LAMA2: variants seen among roughly 807,000 people sequenced by gnomAD.
The protein encoded by LAMA2 is laminin subunit alpha-2.
A neutral mutation model predicts 364.8 loss-of-function variants in LAMA2; 269 were observed. That is an observed-to-expected ratio of 0.74 (90% CI 0.67 to 0.82). The LOEUF is 0.82. Ranked by LOEUF, LAMA2 falls within the 40% of genes least tolerant of loss-of-function variation. The pLI is 0.00. For missense variants in LAMA2, 3,807 were observed against 3,873.2 expected, an observed-to-expected ratio of 0.98 and a Z score of 0.45; for synonymous variants, 1,379 against 1,370.6, an observed-to-expected ratio of 1.01 and a Z score of -0.14.
At chr6:128,994,455 G>A (rs2114666873) in intron 1 of LAMA2, among the ~76,000 whole-genome samples, 1 of 152,264 alleles carries the variant, frequency 6.6e-6, no homozygotes, top group East Asian at 1.9e-4. Context: ...AGTTCTTATG[G>A]TACTTTGATT....
At position 128,961,057 on chromosome 6, in the gene LAMA2, A is replaced by G. The variant is rs527569245; in HGVS notation, c.112+77700A>G. Among the ~76,000 whole-genome samples the G allele has an allele frequency of 3.3e-5, 5 of 150,010 alleles. No homozygotes were observed. The South Asian group carries it at 1.1e-3, about 32-fold the overall frequency. On this transcript the variant is annotated intron_variant, in intron 1 of 64. Transcript: ENST00000421865. ...GAACAAGGTATCATTTCATTGGAAGACTCCCAAATATCCTCTCGGTAGGCT... is the reference window on the plus strand; with the variant it reads ...GAACAAGGTATCATTTCATTGGAAGGCTCCCAAATATCCTCTCGGTAGGCT...
intron 12 of LAMA2, among the ~76,000 whole-genome samples, chr6:129,214,021 T>G (rs1783268380): frequency 6.6e-6 from 1 of 152,194 alleles, no homozygotes; most frequent in African/African-American, 2.4e-5. Flanking sequence ...TGATCCATTT[T>G]GTGTTAATTT....
intron 12 of LAMA2, among the ~76,000 whole-genome samples, chr6:129,213,685 A>G (rs996149257): frequency 2.0e-5 from 3 of 152,142 alleles, no homozygotes. Flanking sequence ...TTGCTGAGGT[A>G]TCTGTTTAGA....
intron 1 of LAMA2, among the ~76,000 whole-genome samples, chr6:128,993,604 T>C (rs9398891): frequency 0.57 from 86,596 of 151,974 alleles, 28,909 homozygotes; most frequent in East Asian, 0.96. Flanking sequence ...TTTTTATGGT[T>C]GACAGTCGTG....
intron 37 of LAMA2, among the ~76,000 whole-genome samples, chr6:129,395,725 C>T (rs1779578297): frequency 6.6e-6 from 1 of 152,120 alleles, no homozygotes; most frequent in Non-Finnish European, 1.5e-5. Context: ...CTAAGTCACC[C>T]CTGAGTTTAG....
chr6:129,073,034 A>T (rs1773420808), intron 3 of LAMA2, among the ~76,000 whole-genome samples: 1 of 152,060 alleles, frequency 6.6e-6, no homozygotes, highest in Admixed American at 6.5e-5. Flanking sequence ...CCTTTTTTAA[A>T]TGAAAGCCTG....
At chr6:129,200,866 T>G (rs898237744) in intron 12 of LAMA2, among the ~76,000 whole-genome samples, 2 of 152,088 alleles carry the variant, frequency 1.3e-5, no homozygotes, top group Non-Finnish European at 2.9e-5. Flanking sequence ...CCACTGATTA[T>G]CTAGAGAAAA....
chr6:128,947,890 C>A, intron 1 of LAMA2, among the ~76,000 whole-genome samples: 1 of 151,652 alleles, frequency 6.6e-6, no homozygotes, highest in Non-Finnish European at 1.5e-5. Flanking sequence ...GGAAGGGAGA[C>A]GATAAATAGC....
intron 4 of LAMA2, among the ~76,000 whole-genome samples, chr6:129,141,871 TGTGTGTGTGA>T (rs1337094049): frequency 1.3e-5 from 2 of 151,894 alleles, no homozygotes; most frequent in Non-Finnish European, 2.9e-5. Flanking sequence ...TGTGTGTGTA[TGTGTGTGTGA>T]GTGTGAGTGT....
At chr6:128,886,138 A>T (rs1776137515) in intron 1 of LAMA2, among the ~76,000 whole-genome samples, 1 of 152,172 alleles carries the variant, frequency 6.6e-6, no homozygotes, top group African/African-American at 2.4e-5. Context: ...CTTGATGGAA[A>T]ATGTAAAATC....
In LAMA2 at chr6:129,452,646, C is replaced by T. The variant is rs534289082; in HGVS notation, c.6430-342C>T. Among the ~76,000 whole-genome samples, 3 of 152,246 alleles carry T rather than the reference C, an allele frequency of 2.0e-5. 1 individual carries two copies. The South Asian group carries it at 6.2e-4, about 32-fold the overall frequency. On this transcript the variant is annotated intron_variant, in intron 45 of 64. Coordinates refer to ENST00000421865, the MANE Select transcript of LAMA2 (RefSeq NM_000426.4). ...TTAAACAACCTTAATGAAGGTCATT[C>T]TCATTAGCTCCATGTAAAATCACCT...
intron 1 of LAMA2, among the ~76,000 whole-genome samples, chr6:128,958,004 T>TA (rs1781260967): frequency 6.6e-6 from 1 of 152,088 alleles, no homozygotes; most frequent in Non-Finnish European, 1.5e-5. Flanking sequence ...AGTAGGTTCT[T>TA]AATAGCCCTT....
intron 10 of LAMA2, among the ~76,000 whole-genome samples, chr6:129,180,166 A>G (rs1025161590): frequency 1.9e-4 from 29 of 152,288 alleles, no homozygotes; most frequent in Non-Finnish European, 4.1e-4. Flanking sequence ...AACTGATTGT[A>G]AAAACAGCAT....
intron 12 of LAMA2, among the ~76,000 whole-genome samples, chr6:129,196,823 GGAA>G (rs1781879372): frequency 6.6e-6 from 1 of 152,136 alleles, no homozygotes; most frequent in Admixed American, 6.6e-5. Context: ...AGTAGAACCA[GGAA>G]GAAGGTTTGC....
chr6:129,483,472 A>G (rs1242858904), intron 55 of LAMA2, among the ~76,000 whole-genome samples: 1 of 152,192 alleles, frequency 6.6e-6, no homozygotes, highest in Non-Finnish European at 1.5e-5. Context: ...GAATGATACC[A>G]AAGTATTTCT....
chr6:129,102,773 A>C (rs1775592657), intron 4 of LAMA2, among the ~76,000 whole-genome samples: 1 of 152,226 alleles, frequency 6.6e-6, no homozygotes, highest in South Asian at 2.1e-4. Flanking sequence ...TCCTGTGTGA[A>C]CTTTCTGATG....
At chr6:129,048,530 TTC>T (rs1787737846) in intron 1 of LAMA2, among the ~76,000 whole-genome samples, 2 of 49,668 alleles carry the variant, frequency 4.0e-5, no homozygotes, top group African/African-American at 1.6e-4. Context: ...CCTTCCTTCC[TTC>T]CTTCCTTCCT....
intron 1 of LAMA2, among the ~76,000 whole-genome samples, chr6:128,921,109 C>A (rs1778682534): frequency 6.6e-6 from 1 of 152,108 alleles, no homozygotes; most frequent in African/African-American, 2.4e-5. Flanking sequence ...CATATAGTAA[C>A]ATAATTTTCA....
At position 129,258,383 on chromosome 6, in the gene LAMA2, G is replaced by A. The variant is rs140330109; in HGVS notation, c.2097-2328G>A. The stretch of plus-strand genomic sequence containing the variant: ...CTGATGAATGAATAAACAAAATGTG[G>A]CATGTACATGCAGTGAACATTAGTC... On this transcript the variant is annotated intron_variant, in intron 14 of 64. Transcript: ENST00000421865. Among the ~76,000 whole-genome samples, 361 of 152,090 alleles carry A rather than the reference G, an allele frequency of 2.4e-3. 3 individuals carry two copies. Among genetic ancestry groups the A allele is most frequent in the African/African-American group, 8.3e-3 (343 of 41,530 alleles).
Sources: gnomAD v4.1 joint callset for allele counts (sites outside exome capture counted in the v4.1 genomes callset) on GRCh38, gnomAD v4.1.1 for gene constraint, MANE v1.5 for transcripts, NCBI Gene and HGNC (gene_info 2026-07-23, HGNC 2026-07-21) for gene names.